The following PTCHD4 variants were observed in gnomAD, a reference collection of about 807,000 sequenced individuals.
The protein encoded by PTCHD4 is patched domain-containing protein 4.
Under a neutral mutation model 58.1 loss-of-function variants are expected in PTCHD4, and 33 were observed. The observed-to-expected ratio is 0.57, with a 90% confidence interval of 0.43 to 0.76. PTCHD4 has a LOEUF of 0.76. Ranked by LOEUF, PTCHD4 falls within the 30% of genes least tolerant of loss-of-function variation. PTCHD4 has a pLI of 0.00. For missense variants in PTCHD4, 1,058 were observed against 1,027.1 expected, an observed-to-expected ratio of 1.03 and a Z score of -0.41; for synonymous variants, 478 against 409.6, an observed-to-expected ratio of 1.17 and a Z score of -2.02.
At chr6:48,075,092 G>A (rs949746092) in intron 1 of PTCHD4, among the ~76,000 whole-genome samples, 2 of 152,032 alleles carry the variant, frequency 1.3e-5, no homozygotes, top group African/African-American at 4.8e-5. Context: ...AGGAGTCCAT[G>A]CAAGCATCTT....
chr6:47,995,269 A>T (rs1050685605), intron 4 of PTCHD4, among the ~76,000 whole-genome samples: 2 of 152,222 alleles, frequency 1.3e-5, no homozygotes, highest in Non-Finnish European at 2.9e-5. Context: ...CGGGGCTAGC[A>T]AGGTGAGCAT....
At chr6:47,996,861 A>C (rs1327854906) in intron 4 of PTCHD4, among the ~76,000 whole-genome samples, 1 of 152,244 alleles carries the variant, frequency 6.6e-6, no homozygotes, top group Non-Finnish European at 1.5e-5. Context: ...ATTTTTTAAA[A>C]GAACACATAA....
chr6:47,921,176 T>C (rs1038627615), intron 4 of PTCHD4, among the ~76,000 whole-genome samples: 23 of 152,216 alleles, frequency 1.5e-4, no homozygotes, highest in African/African-American at 3.9e-4. Flanking sequence ...TCAAGATAGT[T>C]ATTATTAACT....
chr6:48,073,192 G>T (rs969329490), intron 1 of PTCHD4, among the ~76,000 whole-genome samples: 1 of 152,106 alleles, frequency 6.6e-6, no homozygotes, highest in Admixed American at 6.5e-5. Context: ...ACATTAATTG[G>T]TTCTTTAGTT....
At chr6:47,904,057 C>T (rs1209591733) in intron 4 of PTCHD4, among the ~76,000 whole-genome samples, 1 of 152,106 alleles carries the variant, frequency 6.6e-6, no homozygotes, top group Non-Finnish European at 1.5e-5. Flanking sequence ...GCCCGGGTGG[C>T]TGGAGTGGAC....
intron 1 of PTCHD4, among the ~76,000 whole-genome samples, chr6:48,105,470 A>G (rs1481988933): frequency 6.6e-6 from 1 of 152,264 alleles, no homozygotes; most frequent in Non-Finnish European, 1.5e-5. Context: ...GGAAATTTAT[A>G]GCACTAAATA....
chr6:48,073,363 A>G (rs556514080), intron 1 of PTCHD4, among the ~76,000 whole-genome samples: 15 of 152,316 alleles, frequency 9.8e-5, no homozygotes, highest in Admixed American at 6.5e-5. Context: ...TCCATAATTT[A>G]CTTCCTAGAT....
intron 1 of PTCHD4, among the ~76,000 whole-genome samples, chr6:48,088,106 A>G (rs1444327633): frequency 6.6e-6 from 1 of 152,216 alleles, no homozygotes; most frequent in Non-Finnish European, 1.5e-5. Flanking sequence ...AAGGGAACTC[A>G]GGATCATAGA....
chr6:48,029,983 G>A (rs776911048), intron 3 of PTCHD4, among the ~76,000 whole-genome samples: 2 of 152,090 alleles, frequency 1.3e-5, no homozygotes, highest in Non-Finnish European at 2.9e-5. Flanking sequence ...ACATCTTAGA[G>A]ACCTCAAGAA....
At chr6:48,100,608 G>T (rs1765584045) in intron 1 of PTCHD4, among the ~76,000 whole-genome samples, 1 of 152,160 alleles carries the variant, frequency 6.6e-6, no homozygotes, top group Non-Finnish European at 1.5e-5. Context: ...TCAAGTAGGA[G>T]CTGCAAGAAT....
chr6:48,102,451 G>T (rs2113913663), intron 1 of PTCHD4, among the ~76,000 whole-genome samples: 1 of 152,330 alleles, frequency 6.6e-6, no homozygotes. Flanking sequence ...AAGTAAAAAT[G>T]AAAAGCATTT....
chr6:47,871,625 A>G lies in PTCHD4; in HGVS notation c.*6678T>C, dbSNP rs1396032493. On this transcript the variant is annotated 3_prime_UTR_variant, in exon 5 of 5. Transcript: ENST00000339488. ...GCTCATTTTACATTTTGCCTTGTCT[A>G]ATTTGATAAAGTGAATGAGCATCAA... Among the ~76,000 whole-genome samples, 1 of 151,672 alleles carries G rather than the reference A, an allele frequency of 6.6e-6. No homozygotes were observed. Among genetic ancestry groups the G allele is most frequent in the African/African-American group, 2.4e-5 (1 of 41,400 alleles).
At chr6:47,883,844 G>A (rs1191122060) in intron 4 of PTCHD4, among the ~76,000 whole-genome samples, 1 of 152,000 alleles carries the variant, frequency 6.6e-6, no homozygotes, top group Non-Finnish European at 1.5e-5. Flanking sequence ...GGGCAAATTT[G>A]GCTTCAATTG....
intron 3 of PTCHD4, among the ~76,000 whole-genome samples, chr6:48,020,184 G>A (rs1036743592): frequency 1.3e-5 from 2 of 152,114 alleles, no homozygotes; most frequent in Non-Finnish European, 2.9e-5. Context: ...ATGAGCACTA[G>A]AGATAGGGCA....
At chr6:48,086,823 T>C (rs1483370158) in intron 1 of PTCHD4, among the ~76,000 whole-genome samples, 1 of 152,224 alleles carries the variant, frequency 6.6e-6, no homozygotes, top group Admixed American at 6.5e-5. Context: ...TGAGGCTCTA[T>C]GGTTGCTATG....
At chr6:47,988,161 G>T (rs1446675743) in intron 4 of PTCHD4, among the ~76,000 whole-genome samples, 1 of 152,168 alleles carries the variant, frequency 6.6e-6, no homozygotes, top group Non-Finnish European at 1.5e-5. Flanking sequence ...ATAAGACATT[G>T]TATTATAGAT....
chr6:47,976,450 C>T (rs1054421932), intron 4 of PTCHD4, among the ~76,000 whole-genome samples: 1 of 151,940 alleles, frequency 6.6e-6, no homozygotes, highest in South Asian at 2.1e-4. Flanking sequence ...GTCAGGAGTT[C>T]CAGACCAGCC....
In PTCHD4 at chr6:47,864,315, T is replaced by TACACACACACAC. The variant is rs57323341; in HGVS notation, c.*13976_*13987dup. Reference sequence around the variant, plus strand: ...GCCCATTATTTTTGAGATATATATATACACACACACACACATATATATATA... The same window carrying TACACACACACAC: ...GCCCATTATTTTTGAGATATATATATACACACACACACACACACACACACACATATATATATA... On this transcript the variant is annotated 3_prime_UTR_variant, in exon 5 of 5. Coordinates refer to ENST00000339488, the MANE Select transcript of PTCHD4 (RefSeq NM_001384253.1). 3.9e-4 allele frequency among the ~76,000 whole-genome samples: 58 copies of TACACACACACAC among 148,898 alleles called. No individual in the cohort carries two copies. Among genetic ancestry groups the TACACACACACAC allele is most frequent in the African/African-American group, 1.4e-3 (58 of 40,744 alleles).
intron 4 of PTCHD4, among the ~76,000 whole-genome samples, chr6:47,966,073 GT>G (rs1767280813): frequency 6.6e-6 from 1 of 152,172 alleles, no homozygotes; most frequent in Non-Finnish European, 1.5e-5. Flanking sequence ...AGATAACCTT[GT>G]TTGTTGGTTT....
Sources: allele counts gnomAD v4.1 joint callset (sites outside exome capture counted in the v4.1 genomes callset), GRCh38; gene constraint gnomAD v4.1.1; transcripts MANE v1.5; gene names NCBI Gene and HGNC (gene_info 2026-07-23, HGNC 2026-07-21).